Variants in CRISPLD2 observed in about 807,000 individuals in gnomAD.
CRISPLD2 encodes the protein cysteine rich secretory protein LCCL domain containing 2, also known as cysteine-rich secretory protein LCCL domain-containing 2.
Under a neutral mutation model 71.1 loss-of-function variants are expected in CRISPLD2, and 47 were observed. The ratio of observed to expected loss-of-function variants is 0.66; its 90% CI spans 0.52 to 0.84. The LOEUF is 0.84. CRISPLD2 is among the 40% of genes least tolerant of loss of function. The pLI is 0.00. For synonymous variants in CRISPLD2, 317 were observed against 250.1 expected, an observed-to-expected ratio of 1.27 and a Z score of -2.52; for missense variants, 830 against 651.1, an observed-to-expected ratio of 1.27 and a Z score of -2.99.
intron 8 of CRISPLD2, 49 bp from the exon 9 acceptor site, chr16:84,872,393 G>A (rs553761148): frequency 1.4e-6 from 2 of 1,428,468 alleles, no homozygotes; most frequent in African/African-American, 2.8e-5. Flanking sequence ...ATTGTGAGAT[G>A]TAATCAACGT....
intron 14 of CRISPLD2, among the ~76,000 whole-genome samples, chr16:84,902,024 C>A (rs114468441): frequency 6.6e-6 from 1 of 151,498 alleles, no homozygotes; most frequent in African/African-American, 2.4e-5. Context: ...GTCTTGAACT[C>A]CTGATCTCAA....
chr16:84,884,544 C>T (rs2071595648), intron 13 of CRISPLD2, among the ~76,000 whole-genome samples: 1 of 152,178 alleles, frequency 6.6e-6, no homozygotes, highest in African/African-American at 2.4e-5. Flanking sequence ...TTAGTAAATA[C>T]TCAGGTATTC....
chr16:84,855,506 C>T (rs1597460806), intron 6 of CRISPLD2, among the ~76,000 whole-genome samples: 2 of 152,086 alleles, frequency 1.3e-5, no homozygotes, highest in South Asian at 4.2e-4. Flanking sequence ...CATTTTTCTG[C>T]CTGCTTTATA....
At chr16:84,839,224 G>T in intron 2 of CRISPLD2, 1 of 328,652 alleles carries the variant, frequency 3.0e-6, no homozygotes, top group South Asian at 2.4e-5. Context: ...AACAACACAC[G>T]TGGGTTCCCT....
chr16:84,833,431 T>C (rs8051450), intron 1 of CRISPLD2, among the ~76,000 whole-genome samples: 40,238 of 152,100 alleles, frequency 0.26, 5,512 homozygotes, highest in Middle Eastern at 0.38. Context: ...CCGCGGTCCC[T>C]AGTGATATTT....
chr16:84,884,403 A>T (rs954623561), intron 13 of CRISPLD2, among the ~76,000 whole-genome samples: 7 of 152,240 alleles, frequency 4.6e-5, no homozygotes, highest in African/African-American at 1.7e-4. Flanking sequence ...ACATGTAAAG[A>T]TATGACCTGT....
chr16:84,857,577 G>A (rs374773970), intron 6 of CRISPLD2, among the ~76,000 whole-genome samples: 17 of 152,170 alleles, frequency 1.1e-4, no homozygotes, highest in Admixed American at 9.2e-4. Flanking sequence ...TGCACTGCTC[G>A]AAGTCCTGCC....
At chr16:84,855,556 A>G (rs1294354138) in intron 6 of CRISPLD2, among the ~76,000 whole-genome samples, 1 of 152,218 alleles carries the variant, frequency 6.6e-6, no homozygotes, top group South Asian at 2.1e-4. Context: ...GTGCCCACCC[A>G]GATTACGGGT....
At chr16:84,834,965 C>A (rs1916580254) in intron 1 of CRISPLD2, among the ~76,000 whole-genome samples, 1 of 152,172 alleles carries the variant, frequency 6.6e-6, no homozygotes, top group East Asian at 1.9e-4. Flanking sequence ...GACATTAGGG[C>A]TCCAGTGTGT....
At position 84,906,874 on chromosome 16, in the gene CRISPLD2, G is replaced by T; in HGVS notation, c.*232G>T. The T allele has an allele frequency of 1.7e-6, 1 of 594,602 alleles. No individual in the cohort carries two copies. The highest frequency in any genetic ancestry group is 3.0e-6 in the Non-Finnish European group (1 of 332,968). 36.8% of individuals were successfully genotyped at this position (594,602 alleles called of 1,614,324 possible). On this transcript the variant is annotated 3_prime_UTR_variant, in exon 15 of 15. Coordinates refer to ENST00000262424, the MANE Select transcript of CRISPLD2 (RefSeq NM_031476.4). ...CTGGTGCCTGATCCTGCTGGGGCCT[G>T]GGGGTCTCCATCTGGACGTCCTCTC... is the stretch of plus-strand genomic sequence containing the variant.
rs1367941267 is a variant in CRISPLD2, at chr16:84,873,113, A to C, written c.1103A>C (p.Gln368Pro). The change falls in exon 10 of 15, where the codon CAG becomes CCG. Residue 368 changes from glutamine to proline, a missense_variant. Gln to Pro is a moderately conservative substitution (Grantham distance 76). Coordinates refer to ENST00000262424, the MANE Select transcript of CRISPLD2 (RefSeq NM_031476.4). ...FFVKSERHGV[Q>P]SLSKYKPSSS... ...GTGAAGTCTGAGAGACACGGCGTGC[A>C]GTCCCTCAGGTAACTACTCTGTGAT... The C allele has an allele frequency of 1.2e-6, 2 of 1,613,584 alleles. No homozygotes were observed. The highest frequency in any genetic ancestry group is 1.7e-6 in the Non-Finnish European group (2 of 1,179,792).
intron 13 of CRISPLD2, 103 bp from the exon 14 acceptor site, chr16:84,889,127 T>A: frequency 6.8e-7 from 1 of 1,475,252 alleles, no homozygotes; most frequent in Non-Finnish European, 9.4e-7. Flanking sequence ...GGGGTCCACA[T>A]CCCACCAGCC....
intron 1 of CRISPLD2, chr16:84,836,409 T>A (rs1916620405): frequency 6.6e-6 from 1 of 152,196 alleles, no homozygotes; most frequent in Non-Finnish European, 1.5e-5. Context: ...AAGTTCTGCA[T>A]TCTTGGTCTG....
chr16:84,855,304 A>C (rs905852826), intron 6 of CRISPLD2, among the ~76,000 whole-genome samples: 1 of 152,288 alleles, frequency 6.6e-6, no homozygotes, highest in Middle Eastern at 3.4e-3. Context: ...ATATGAGTTT[A>C]TTAAGGAGTA....
At chr16:84,840,226 C>T (rs918418292) in intron 2 of CRISPLD2, among the ~76,000 whole-genome samples, 3 of 152,158 alleles carry the variant, frequency 2.0e-5, no homozygotes, top group Non-Finnish European at 2.9e-5. Flanking sequence ...CCCGTGTCTC[C>T]CCCACAAAGC....
intron 1 of CRISPLD2, among the ~76,000 whole-genome samples, chr16:84,832,069 G>A (rs1433288344): frequency 6.6e-6 from 1 of 152,216 alleles, no homozygotes; most frequent in Non-Finnish European, 1.5e-5. Flanking sequence ...TAAGGTAAAC[G>A]TGGGCTTTGA....
At chr16:84,905,007 A>G (rs968330717) in intron 14 of CRISPLD2, among the ~76,000 whole-genome samples, 3 of 152,186 alleles carry the variant, frequency 2.0e-5, no homozygotes, top group Non-Finnish European at 4.4e-5. Context: ...TAGGCCAGGC[A>G]CGGTGGCTCA....
At chr16:84,887,242 C>G (rs964664674) in intron 13 of CRISPLD2, among the ~76,000 whole-genome samples, 1 of 152,182 alleles carries the variant, frequency 6.6e-6, no homozygotes, top group Non-Finnish European at 1.5e-5. Context: ...GGGGGTTAAG[C>G]TTTTAAGCTC....
rs373352177 is a variant in CRISPLD2, at chr16:84,847,399, C to T, written c.359+1495C>T. Among the ~76,000 whole-genome samples the T allele has an allele frequency of 8.5e-5, 13 of 152,284 alleles. 2 individuals carry two copies. Among genetic ancestry groups the T allele is most frequent in the Admixed American group, 7.9e-4 (12 of 15,286 alleles). On this transcript the variant is annotated intron_variant, in intron 3 of 14. Coordinates refer to ENST00000262424, the MANE Select transcript of CRISPLD2 (RefSeq NM_031476.4). Reference sequence around the variant, plus strand: ...GGGCAAGGTGGCTCATGCCTGTAATCCCAGCACTTTGGGAGGCCAAGGTGG... The same window carrying T: ...GGGCAAGGTGGCTCATGCCTGTAATTCCAGCACTTTGGGAGGCCAAGGTGG...
Sources: gnomAD v4.1 joint callset for allele counts (sites outside exome capture counted in the v4.1 genomes callset) on GRCh38, gnomAD v4.1.1 for gene constraint, MANE v1.5 for transcripts, NCBI Gene and HGNC (gene_info 2026-07-23, HGNC 2026-07-21) for gene names.